Variants in MEMO1 observed in about 807,000 individuals in gnomAD.
The protein encoded by MEMO1 is mediator of cell motility 1.
A neutral mutation model predicts 45.2 loss-of-function variants in MEMO1; 6 were observed. The observed-to-expected ratio is 0.13, with a 90% CI of 0.07 to 0.26. The LOEUF (loss-of-function observed/expected upper bound fraction) is 0.26, where lower values mean the gene tolerates loss of function less well. Ranked by LOEUF, MEMO1 falls within the 10% of genes least tolerant of loss-of-function variation. The pLI is 1.00. For missense variants in MEMO1, 184 were observed against 370.5 expected (o/e 0.50, Z 4.13); for synonymous variants, 78 against 124.3 (o/e 0.63, Z 2.48).
chr2:31,919,079 G>C (rs991742946), intron 5 of MEMO1, among the ~76,000 whole-genome samples: 1 of 151,764 alleles, frequency 6.6e-6, no homozygotes, highest in African/African-American at 2.4e-5. Context: ...AAATAAGAAA[G>C]AAGAATTTTT....
intron 2 of MEMO1, among the ~76,000 whole-genome samples, chr2:31,970,278 G>C (rs551381720): frequency 1.3e-5 from 2 of 151,952 alleles, no homozygotes; most frequent in African/African-American, 2.4e-5. Flanking sequence ...CCTCTCTTTC[G>C]TAATTTTCAG....
At chr2:31,870,036 T>C in intron 8 of MEMO1, 84 bp from the exon 9 acceptor site, 2 of 1,057,370 alleles carry the variant, frequency 1.9e-6, no homozygotes, top group Non-Finnish European at 2.5e-6. Flanking sequence ...TTTAAAACTG[T>C]TACTTAAACA....
At position 31,945,153 on chromosome 2, in the gene MEMO1, C is replaced by T. The variant is rs140822659; in HGVS notation, c.62-1770G>A. 3.9e-3 allele frequency among the ~76,000 whole-genome samples: 590 copies of T among 152,278 alleles called. 7 individuals are homozygous for T. Among genetic ancestry groups the T allele is most frequent in the Non-Finnish European group, 6.4e-3 (436 of 68,026 alleles). ...ATATACTGTACACAACCTTCTGCAA[C>T]TTGCTTTAGTAATTCAACATTGTTT... On this transcript the variant is annotated intron_variant, in intron 2 of 9. Transcript: ENST00000404530.
In MEMO1 at chr2:31,920,776, TATA is replaced by T; in HGVS notation, c.325+19_325+21del. The T allele has an allele frequency of 7.2e-7, 1 of 1,383,516 alleles. No homozygotes were observed. The highest frequency in any genetic ancestry group is 9.8e-7 in the Non-Finnish European group (1 of 1,020,262). 85.7% of individuals were successfully genotyped at this position (1,383,516 alleles called of 1,614,324 possible). A position where few individuals can be genotyped will look rare whatever the true frequency, so the allele number is the denominator to read the frequency against. ...AAAAGAACATTAGCTATTTGAAAGC[TATA>T]ATATTTCTATATACTTACTCTTTTG... On this transcript the variant is annotated intron_variant, in intron 5 of 9. Transcript: ENST00000404530.
At chr2:31,905,229 A>T (rs553099012) in intron 6 of MEMO1, among the ~76,000 whole-genome samples, 1 of 152,116 alleles carries the variant, frequency 6.6e-6, no homozygotes, top group African/African-American at 2.4e-5. Flanking sequence ...GTGAAATCCT[A>T]TCTCCAAAAA....
At chr2:31,953,735 G>C (rs1667108250) in intron 2 of MEMO1, among the ~76,000 whole-genome samples, 3 of 152,024 alleles carry the variant, frequency 2.0e-5, no homozygotes, top group Admixed American at 2.0e-4. Flanking sequence ...GGGATTACAG[G>C]TGTGAGCCAC....
chr2:31,994,524 G>A (rs962562555), intron 2 of MEMO1, among the ~76,000 whole-genome samples: 9 of 151,754 alleles, frequency 5.9e-5, no homozygotes, highest in Non-Finnish European at 8.8e-5. Flanking sequence ...CGGCTACTCA[G>A]GAGGCTGAGG....
chr2:31,943,398 A>G lies in MEMO1; in HGVS notation c.62-15T>C. On this transcript the variant is annotated splice_polypyrimidine_tract_variant and intron_variant, in intron 2 of 9. Coordinates refer to ENST00000404530, the MANE Select transcript of MEMO1 (RefSeq NM_001301833.4). ...CAGCTGCGGTCCTATAAAAAGACAA[A>G]GACAAAATTAGAGTCAGCAAAGCAA... 1 of 1,594,676 alleles carries G rather than the reference A, an allele frequency of 6.3e-7. No individual in the cohort carries two copies. The highest frequency in any genetic ancestry group is 8.6e-7 in the Non-Finnish European group (1 of 1,162,254).
chr2:31,961,823 G>A (rs989829577), intron 2 of MEMO1, among the ~76,000 whole-genome samples: 2 of 151,830 alleles, frequency 1.3e-5, no homozygotes, highest in Non-Finnish European at 2.9e-5. Context: ...GTAATCCTAT[G>A]ACATAGTTAT....
intron 5 of MEMO1, among the ~76,000 whole-genome samples, chr2:31,919,503 T>C (rs938764469): frequency 1.3e-5 from 2 of 151,864 alleles, no homozygotes; most frequent in African/African-American, 4.8e-5. Context: ...TTTGAAACAA[T>C]AGCACCCCTA....
chr2:32,005,755 T>G (rs1673987679), intron 2 of MEMO1, among the ~76,000 whole-genome samples: 1 of 152,234 alleles, frequency 6.6e-6, no homozygotes, highest in African/African-American at 2.4e-5. Flanking sequence ...GCCTACTATA[T>G]GCCAAGCACT....
intron 6 of MEMO1, among the ~76,000 whole-genome samples, chr2:31,905,467 G>A (rs528054350): frequency 6.6e-6 from 1 of 152,242 alleles, no homozygotes; most frequent in South Asian, 2.1e-4. Flanking sequence ...TGATAAGAAA[G>A]TTTTTCTAAG....
At chr2:31,903,433 G>C (rs565494717) in intron 6 of MEMO1, among the ~76,000 whole-genome samples, 2 of 132,974 alleles carry the variant, frequency 1.5e-5, no homozygotes, top group African/African-American at 5.4e-5. Flanking sequence ...GGTGGGGGGG[G>C]ACAAAAAGTT....
chr2:31,954,617 G>C (rs895517995), intron 2 of MEMO1, among the ~76,000 whole-genome samples: 2 of 152,112 alleles, frequency 1.3e-5, no homozygotes, highest in Admixed American at 6.6e-5. Context: ...CGGATCATCT[G>C]AAGTCAGGAG....
chr2:31,907,858 T>A (rs1217482524), intron 6 of MEMO1, among the ~76,000 whole-genome samples: 2 of 150,712 alleles, frequency 1.3e-5, no homozygotes, highest in Non-Finnish European at 3.0e-5. Flanking sequence ...ACAGAAAAGA[T>A]GAAAAATTAC....
intron 2 of MEMO1, among the ~76,000 whole-genome samples, chr2:31,970,535 T>C (rs923069865): frequency 6.6e-6 from 1 of 152,162 alleles, no homozygotes; most frequent in Non-Finnish European, 1.5e-5. Flanking sequence ...GGCTTCCTGA[T>C]GAGTCTTAGG....
At chr2:31,927,318 C>CA in intron 4 of MEMO1, among the ~76,000 whole-genome samples, 1 of 152,040 alleles carries the variant, frequency 6.6e-6, no homozygotes, top group East Asian at 1.9e-4. Context: ...GACTTTGTCT[C>CA]AAAAAAATAA....
intron 2 of MEMO1, among the ~76,000 whole-genome samples, chr2:31,998,917 T>C (rs546214853): frequency 9.9e-5 from 15 of 152,242 alleles, no homozygotes; most frequent in Non-Finnish European, 1.6e-4. Flanking sequence ...ACAGTGAACA[T>C]CTCAAACTTA....
At chr2:32,008,410 C>A (rs1459642020) in intron 2 of MEMO1, among the ~76,000 whole-genome samples, 1 of 152,212 alleles carries the variant, frequency 6.6e-6, no homozygotes, top group African/African-American at 2.4e-5. Context: ...ATGGTGAAAC[C>A]TGTCTCTACT....
Sources: gnomAD v4.1 joint callset for allele counts (sites outside exome capture counted in the v4.1 genomes callset) on GRCh38, gnomAD v4.1.1 for gene constraint, MANE v1.5 for transcripts, NCBI Gene and HGNC (gene_info 2026-07-23, HGNC 2026-07-21) for gene names.